The following RIT2 variants were observed in gnomAD, a reference collection of about 807,000 sequenced individuals.
RIT2 encodes the protein Ras like without CAAX 2.
Under a neutral mutation model 23.7 loss-of-function variants are expected in RIT2, and 24 were observed. That is an observed-to-expected ratio of 1.01 (90% CI 0.73 to 1.43). The LOEUF is 1.43. Among genes scored for constraint, RIT2 ranks in the 40% most tolerant of loss-of-function variants. The probability of loss-of-function intolerance (pLI) is 0.00; values close to 1 mark genes in which losing one functional copy is unlikely to be tolerated. For missense variants in RIT2, 236 were observed against 266.9 expected, an observed-to-expected ratio of 0.88 and a Z score of 0.81; for synonymous variants, 107 against 91.1, an observed-to-expected ratio of 1.17 and a Z score of -0.99.
At chr18:42,886,489 G>A (rs898323154) in intron 4 of RIT2, among the ~76,000 whole-genome samples, 1 of 152,164 alleles carries the variant, frequency 6.6e-6, no homozygotes, top group Admixed American at 6.5e-5. Flanking sequence ...AGAGATTCCA[G>A]TGCTAGGTTT....
At chr18:43,069,309 CT>C (rs1912845807) in intron 1 of RIT2, among the ~76,000 whole-genome samples, 1 of 152,006 alleles carries the variant, frequency 6.6e-6, no homozygotes. Context: ...AGTAGCTATT[CT>C]TTCACCACTT....
At chr18:42,812,520 G>T (rs187488076) in intron 4 of RIT2, among the ~76,000 whole-genome samples, 119 of 152,204 alleles carry the variant, frequency 7.8e-4, no homozygotes, top group Non-Finnish European at 1.5e-3. Flanking sequence ...TTTCTTTACT[G>T]TACCTCTCTT....
intron 2 of RIT2, among the ~76,000 whole-genome samples, chr18:42,980,463 T>C (rs1910573835): frequency 6.6e-6 from 1 of 151,948 alleles, no homozygotes; most frequent in Non-Finnish European, 1.5e-5. Flanking sequence ...TGCTGATTGG[T>C]GTCAACTACC....
intron 4 of RIT2, among the ~76,000 whole-genome samples, chr18:42,746,442 T>C (rs1912918388): frequency 1.3e-5 from 2 of 152,052 alleles, no homozygotes; most frequent in Admixed American, 1.3e-4. Context: ...AATTTACACA[T>C]GAAGAAAGCT....
intron 1 of RIT2, among the ~76,000 whole-genome samples, chr18:43,076,971 C>T (rs1178842294): frequency 7.3e-5 from 11 of 150,028 alleles, no homozygotes; most frequent in African/African-American, 2.4e-4. Context: ...GCCGTAGTGG[C>T]GGGCGCCTGT....
At chr18:42,972,335 T>C (rs1910380881) in intron 3 of RIT2, among the ~76,000 whole-genome samples, 4 of 151,948 alleles carry the variant, frequency 2.6e-5, no homozygotes. Flanking sequence ...TCTGTTAATA[T>C]ATAGATTTCA....
intron 4 of RIT2, chr18:42,920,664 A>G: frequency 6.7e-7 from 1 of 1,484,548 alleles, no homozygotes; most frequent in Middle Eastern, 1.7e-4. Context: ...GGATTTCCCA[A>G]AATGCATTAA....
chr18:42,861,678 G>A (rs1024340230), intron 4 of RIT2, among the ~76,000 whole-genome samples: 9 of 152,042 alleles, frequency 5.9e-5, no homozygotes, highest in African/African-American at 2.2e-4. Context: ...TTCTTATTTT[G>A]GGTTGGGGTC....
At chr18:43,028,384 C>T (rs1352025648) in intron 2 of RIT2, among the ~76,000 whole-genome samples, 1 of 151,892 alleles carries the variant, frequency 6.6e-6, no homozygotes. Context: ...GAAGAGGTTG[C>T]TTGGCATATT....
intron 4 of RIT2, among the ~76,000 whole-genome samples, chr18:42,900,851 C>T (rs1016753657): frequency 2.0e-5 from 3 of 151,930 alleles, no homozygotes; most frequent in Non-Finnish European, 2.9e-5. Context: ...GCAGGTAAAG[C>T]GGGGGTGAAT....
At chr18:42,912,233 A>G (rs1329414287) in intron 4 of RIT2, among the ~76,000 whole-genome samples, 1 of 127,604 alleles carries the variant, frequency 7.8e-6, no homozygotes, top group African/African-American at 4.2e-5. Flanking sequence ...CCATTCATGA[A>G]AAAAAAAAAT....
chr18:42,998,293 C>T (rs1021522905), intron 2 of RIT2, among the ~76,000 whole-genome samples: 2 of 152,104 alleles, frequency 1.3e-5, no homozygotes, highest in Admixed American at 1.3e-4. Flanking sequence ...TCATATGCCT[C>T]TTTTTCACAA....
intron 2 of RIT2, among the ~76,000 whole-genome samples, chr18:42,983,595 CA>C (rs1174875087): frequency 3.9e-5 from 6 of 151,904 alleles, no homozygotes; most frequent in African/African-American, 1.4e-4. Flanking sequence ...ATTTGAAAAT[CA>C]CATATTTGAC....
chr18:42,856,827 C>CTCTTT (rs764885020), intron 4 of RIT2, among the ~76,000 whole-genome samples: 1 of 114,616 alleles, frequency 8.7e-6, no homozygotes, highest in East Asian at 2.8e-4. Context: ...CTCTCTCTCT[C>CTCTTT]TTTTTTTTTT....
chr18:43,045,873 T>A (rs1342674912), intron 1 of RIT2, among the ~76,000 whole-genome samples: 2 of 152,128 alleles, frequency 1.3e-5, no homozygotes, highest in Non-Finnish European at 2.9e-5. Context: ...ATGCACCATA[T>A]CCTGAATAAA....
intron 4 of RIT2, among the ~76,000 whole-genome samples, chr18:42,807,488 G>A (rs1444492907): frequency 6.6e-6 from 1 of 152,036 alleles, no homozygotes; most frequent in Non-Finnish European, 1.5e-5. Flanking sequence ...ATGGTGGCAG[G>A]TGCCTGTAAT....
At chr18:43,019,532 A>G (rs1379899457) in intron 2 of RIT2, among the ~76,000 whole-genome samples, 19 of 152,138 alleles carry the variant, frequency 1.2e-4, no homozygotes, top group Non-Finnish European at 1.5e-5. Context: ...TAGAAGTAAC[A>G]TACCTAACAT....
At chr18:42,892,995 T>C (rs551757847) in intron 4 of RIT2, among the ~76,000 whole-genome samples, 1 of 152,252 alleles carries the variant, frequency 6.6e-6, no homozygotes, top group East Asian at 1.9e-4. Flanking sequence ...TTTTTGGAAA[T>C]TGTATCACAA....
intron 1 of RIT2, among the ~76,000 whole-genome samples, chr18:43,111,877 C>T (rs1913961969): frequency 1.3e-5 from 2 of 152,130 alleles, no homozygotes; most frequent in Admixed American, 1.3e-4. Flanking sequence ...CAGGTCTCTT[C>T]ACCTCTCAAT....
Sources: gnomAD v4.1 joint callset for allele counts (sites outside exome capture counted in the v4.1 genomes callset) on GRCh38, gnomAD v4.1.1 for gene constraint, MANE v1.5 for transcripts, NCBI Gene and HGNC (gene_info 2026-07-23, HGNC 2026-07-21) for gene names.